HEATR4: variants seen among roughly 807,000 people sequenced by gnomAD.
HEATR4 encodes HEAT repeat containing 4, also known as HEAT repeat-containing protein 4.
In HEATR4, 95 loss-of-function variants were observed where a neutral mutation model predicts 108.8. That is an observed-to-expected ratio of 0.87 (90% CI 0.74 to 1.04). The LOEUF (loss-of-function observed/expected upper bound fraction) is 1.04, where lower values mean the gene tolerates loss of function less well. HEATR4 is among the 50% of genes least tolerant of loss of function. The pLI, the probability that HEATR4 is intolerant of heterozygous loss-of-function variation, is 0.00. For synonymous variants in HEATR4, 443 were observed against 459.4 expected (o/e 0.96, Z 0.46); for missense variants, 1,152 against 1,253.8 (o/e 0.92, Z 1.23).
chr14:73,521,168 A>G (rs747256741), intron 3 of HEATR4, 129 bp from the exon 4 acceptor site: 31 of 773,708 alleles, frequency 4.0e-5, no homozygotes, highest in Middle Eastern at 7.8e-4. Context: ...ATTGCAGAAC[A>G]CCAATGTTTA....
the HEATR4 span, among the ~76,000 whole-genome samples, chr14:73,615,722 A>C: frequency 6.6e-6 from 1 of 150,854 alleles, no homozygotes; most frequent in Non-Finnish European, 1.5e-5. Flanking sequence ...AACAAGAGTG[A>C]AACCTTGTCT....
the HEATR4 span, chr14:73,619,326 T>C: frequency 2.5e-6 from 4 of 1,614,046 alleles, no homozygotes; most frequent in African/African-American, 5.3e-5. Flanking sequence ...TCACAGCCAC[T>C]GTACTTATCA....
the HEATR4 span, among the ~76,000 whole-genome samples, chr14:73,623,013 G>C: frequency 6.6e-6 from 1 of 152,032 alleles, no homozygotes; most frequent in Non-Finnish European, 1.5e-5. Flanking sequence ...GGGTTCAAGC[G>C]ATTCTCCTGC....
At chr14:73,509,808 G>A (rs1186797650) in intron 7 of HEATR4, among the ~76,000 whole-genome samples, 1 of 63,466 alleles carries the variant, frequency 1.6e-5, no homozygotes, top group Non-Finnish European at 2.9e-5. Context: ...TGCCCCATGA[G>A]CCCATATATA....
chr14:73,480,273 C>G (rs1885196964), intron 17 of HEATR4, among the ~76,000 whole-genome samples: 1 of 152,032 alleles, frequency 6.6e-6, no homozygotes, highest in South Asian at 2.1e-4. Context: ...GAAACCCCAT[C>G]TCTACTAAAA....
In HEATR4 at chr14:73,515,525, C is replaced by G. The variant is rs536465590; in HGVS notation, c.1211-1291G>C. Among the ~76,000 whole-genome samples the G allele has an allele frequency of 4.0e-5, 6 of 151,828 alleles. No individual in the cohort carries two copies. In the East Asian group the frequency reaches 9.7e-4, roughly 25 times the overall value. On this transcript the variant is annotated intron_variant, in intron 5 of 17. Transcript: ENST00000553558. ...TGAAACCCTGTCTCTACTAAAAATACAAAAATTTGCTAGGCGTGGTGGTGG... is the reference window on the plus strand; with the variant it reads ...TGAAACCCTGTCTCTACTAAAAATAGAAAAATTTGCTAGGCGTGGTGGTGG...
At chr14:73,490,936 G>A in intron 17 of HEATR4, 2 of 1,272,226 alleles carry the variant, frequency 1.6e-6, no homozygotes, top group Non-Finnish European at 2.0e-6. Flanking sequence ...CCTTCCCAGA[G>A]TGCACCGCAG....
rs1888069107 is a variant in HEATR4, at chr14:73,522,980, T to C, written c.173A>G (p.His58Arg). The C allele has an allele frequency of 6.2e-7, 1 of 1,614,216 alleles. No individual in the cohort carries two copies. The highest frequency in any genetic ancestry group is 1.7e-5 in the Admixed American group (1 of 60,026). Residue 58 changes from histidine (H) to arginine (R), a missense_variant, in exon 3 of 18, where the codon CAC becomes CGC. Transcript: ENST00000553558. ...MVFFSSQYRL[H>R]RKSQYLKMAA... ...CATTTTCAAATATTGGCTCTTGCGG[T>C]GTAGACGGTACTGTGAGCTGAAGAA...
chr14:73,492,670 TC>T lies in HEATR4; in HGVS notation c.2844+395del. 6.2e-7 allele frequency: 1 copy of T among 1,613,966 alleles called. No homozygotes were observed. The highest frequency in any genetic ancestry group is 8.5e-7 in the Non-Finnish European group (1 of 1,179,884). On this transcript the variant is annotated intron_variant, in intron 17 of 17. Coordinates refer to ENST00000553558, the MANE Select transcript of HEATR4 (RefSeq NM_001220484.1). This position sits in a 1 kb window ranked among gnomAD's most constrained non-coding sequence, Gnocchi z 4.9. ...CAACAGAAACAGAAGTCCATATGCT[TC>T]AGGATGGGATAGCTCGGCTGGTGGG...
intron 5 of HEATR4, among the ~76,000 whole-genome samples, chr14:73,514,835 G>T (rs567194621): frequency 5.9e-5 from 9 of 152,004 alleles, no homozygotes; most frequent in Non-Finnish European, 1.0e-4. Flanking sequence ...TTGGGAGGCC[G>T]AGGCGAGCAG....
chr14:73,556,608 G>A (rs1474909424), intron 1 of HEATR4, among the ~76,000 whole-genome samples: 1 of 113,562 alleles, frequency 8.8e-6, no homozygotes, highest in African/African-American at 2.8e-5. Flanking sequence ...TTGGAGTCAC[G>A]GGACAGGTGT....
At chr14:73,516,888 C>G (rs1255669617) in intron 5 of HEATR4, among the ~76,000 whole-genome samples, 2 of 152,154 alleles carry the variant, frequency 1.3e-5, no homozygotes, top group African/African-American at 2.4e-5. Context: ...TCAAACCATC[C>G]CCACCCCGCT....
At chr14:73,527,576 C>T (rs1271630717) in intron 2 of HEATR4, among the ~76,000 whole-genome samples, 2 of 151,782 alleles carry the variant, frequency 1.3e-5, no homozygotes, top group Non-Finnish European at 2.9e-5. Context: ...AGCATCACTT[C>T]TAGAGCTGAA....
chr14:73,545,937 C>T (rs1462540861), intron 1 of HEATR4, among the ~76,000 whole-genome samples: 1 of 113,598 alleles, frequency 8.8e-6, no homozygotes, highest in Non-Finnish European at 1.9e-5. Flanking sequence ...ATTGCTTAAG[C>T]CCAGGAGTTC....
At chr14:73,572,915 G>A in the HEATR4 span, among the ~76,000 whole-genome samples, 10 of 150,758 alleles carry the variant, frequency 6.6e-5, no homozygotes, top group Non-Finnish European at 1.3e-4. Flanking sequence ...CAAAGTGCTG[G>A]GGTTACAGGC....
At chr14:73,604,928 T>C in the HEATR4 span, among the ~76,000 whole-genome samples, 1 of 152,200 alleles carries the variant, frequency 6.6e-6, no homozygotes, top group African/African-American at 2.4e-5. Context: ...CTATCCACTT[T>C]TAATTCTTGG....
chr14:73,531,950 T>C (rs1280251060), intron 1 of HEATR4, among the ~76,000 whole-genome samples: 9 of 114,626 alleles, frequency 7.9e-5, no homozygotes, highest in African/African-American at 2.6e-4. Context: ...GAGAATCGCC[T>C]GGACCCAGGA....
chr14:73,491,229 C>A (rs1195801980), intron 17 of HEATR4: 1 of 1,590,108 alleles, frequency 6.3e-7, no homozygotes, highest in East Asian at 2.3e-5. Context: ...GTGGAGTCGA[C>A]GGCCGACGAC....
intron 1 of HEATR4, chr14:73,539,880 A>G (rs1188671741): frequency 8.0e-5 from 9 of 112,608 alleles, no homozygotes; most frequent in East Asian, 7.3e-4. Flanking sequence ...CTTTCAATTC[A>G]CACAGTATGT....
Sources: allele counts gnomAD v4.1 joint callset (sites outside exome capture counted in the v4.1 genomes callset), GRCh38; gene constraint gnomAD v4.1.1; non-coding constraint Gnocchi (gnomAD v3.1); transcripts MANE v1.5; gene names NCBI Gene and HGNC (gene_info 2026-07-23, HGNC 2026-07-21).